GAREM1: variants seen among roughly 807,000 people sequenced by gnomAD.
GAREM1 encodes the protein GRB2 associated regulator of MAPK1 subtype 1, also known as GRB2-associated and regulator of MAPK protein 1.
A neutral mutation model predicts 71.3 loss-of-function variants in GAREM1; 26 were observed. The ratio of observed to expected loss-of-function variants is 0.36; its 90% confidence interval spans 0.27 to 0.51. The LOEUF (loss-of-function observed/expected upper bound fraction) is 0.51, where lower values mean the gene tolerates loss of function less well. GAREM1 is among the 20% of genes least tolerant of loss of function. The pLI, the probability that GAREM1 is intolerant of heterozygous loss-of-function variation, is 0.95. For missense variants in GAREM1, 1,026 were observed against 1,103.1 expected (o/e 0.93, Z 0.99); for synonymous variants, 440 against 433.2 (o/e 1.02, Z -0.20).
At chr18:32,431,132 C>T (rs1456274277) in intron 1 of GAREM1, among the ~76,000 whole-genome samples, 1 of 152,044 alleles carries the variant, frequency 6.6e-6, no homozygotes, top group African/African-American at 2.4e-5. Context: ...CTGAGTGGTG[C>T]ACACAGATGT....
At chr18:32,431,774 G>A (rs552036610) in intron 1 of GAREM1, among the ~76,000 whole-genome samples, 18 of 152,056 alleles carry the variant, frequency 1.2e-4, no homozygotes, top group Admixed American at 2.6e-4. Context: ...CAATGAAACC[G>A]GTGAACACGA....
chr18:32,305,670 C>T (rs2047246837), intron 3 of GAREM1, among the ~76,000 whole-genome samples: 1 of 152,210 alleles, frequency 6.6e-6, no homozygotes, highest in Non-Finnish European at 1.5e-5. Context: ...CAGGCATGCA[C>T]CCCCATGCCC....
chr18:32,271,994 C>T (rs1253937050), intron 4 of GAREM1, among the ~76,000 whole-genome samples: 2 of 152,182 alleles, frequency 1.3e-5, no homozygotes, highest in African/African-American at 4.8e-5. Flanking sequence ...CTTTGAAATG[C>T]ATACCTTGTC....
rs2048127436 is a variant in GAREM1 at position 32,384,571 on chromosome 18, TTA to T, written c.262+8322_262+8323del. ...TTAGTTTGCCAGAGTCATCTATTTT[TTA>T]TGTCCACTTTTGCTCGAGCATTTTA... On this transcript the variant is annotated intron_variant, in intron 2 of 5. Coordinates refer to ENST00000269209, the MANE Select transcript of GAREM1 (RefSeq NM_001242409.2). Among the ~76,000 whole-genome samples the T allele has an allele frequency of 2.0e-5, 3 of 152,212 alleles. No individual in the cohort carries two copies. In the South Asian group the frequency reaches 6.2e-4, roughly 32 times the overall value.
chr18:32,430,797 T>C (rs189907069), intron 1 of GAREM1, among the ~76,000 whole-genome samples: 75 of 152,334 alleles, frequency 4.9e-4, no homozygotes, highest in African/African-American at 1.7e-3. Flanking sequence ...TCCAAGAGTA[T>C]GGGGCAAATA....
At chr18:32,299,396 C>T (rs2047177294) in intron 3 of GAREM1, among the ~76,000 whole-genome samples, 2 of 151,410 alleles carry the variant, frequency 1.3e-5, no homozygotes, top group African/African-American at 2.4e-5. Context: ...CGCCTGTTGT[C>T]CCAGCTGCTG....
intron 2 of GAREM1, among the ~76,000 whole-genome samples, chr18:32,368,801 CTG>C (rs1444638120): frequency 6.6e-6 from 1 of 152,124 alleles, no homozygotes; most frequent in Non-Finnish European, 1.5e-5. Context: ...CAAACAGGCT[CTG>C]TGTTTTGATC....
At chr18:32,360,000 C>T (rs1018628378) in intron 2 of GAREM1, among the ~76,000 whole-genome samples, 3 of 151,848 alleles carry the variant, frequency 2.0e-5, no homozygotes, top group Non-Finnish European at 4.4e-5. Flanking sequence ...ATACAATGTA[C>T]AAAATGATCG....
chr18:32,461,707 A>C (rs1307012029), intron 1 of GAREM1, among the ~76,000 whole-genome samples: 2 of 152,122 alleles, frequency 1.3e-5, no homozygotes, highest in East Asian at 1.9e-4. Context: ...AAAATAAATA[A>C]ATAAATAATA....
chr18:32,464,201 G>A (rs1004655322), intron 1 of GAREM1, among the ~76,000 whole-genome samples: 4 of 151,964 alleles, frequency 2.6e-5, no homozygotes, highest in Admixed American at 1.3e-4. Flanking sequence ...TGAAGCAGGA[G>A]AATTGCTTGA....
At chr18:32,410,455 C>T (rs1009978166) in intron 1 of GAREM1, among the ~76,000 whole-genome samples, 6 of 152,136 alleles carry the variant, frequency 3.9e-5, no homozygotes, top group Non-Finnish European at 8.8e-5. Flanking sequence ...CTCAATGATT[C>T]TCCTGCCTTA....
chr18:32,270,690 A>C (rs1389710572), intron 4 of GAREM1, among the ~76,000 whole-genome samples: 3 of 152,172 alleles, frequency 2.0e-5, no homozygotes, highest in East Asian at 3.9e-4. Context: ...TCTATGGTTA[A>C]AGAGCTAGTG....
chr18:32,306,360 T>C (rs1257717224), intron 3 of GAREM1, among the ~76,000 whole-genome samples: 1 of 152,152 alleles, frequency 6.6e-6, no homozygotes, highest in Non-Finnish European at 1.5e-5. Flanking sequence ...TTTAATCTTG[T>C]CTCTAGGTTA....
chr18:32,288,987 C>T (rs2047053541), intron 3 of GAREM1, among the ~76,000 whole-genome samples: 1 of 152,106 alleles, frequency 6.6e-6, no homozygotes. Flanking sequence ...ATAAATAGTA[C>T]TGCAATGAAC....
At chr18:32,366,402 A>G (rs1050450649) in intron 2 of GAREM1, among the ~76,000 whole-genome samples, 10 of 152,208 alleles carry the variant, frequency 6.6e-5, no homozygotes, top group African/African-American at 2.4e-4. Context: ...TCCTCAACAA[A>G]TATCTGCTGC....
At chr18:32,461,890 G>C (rs374003531) in intron 1 of GAREM1, among the ~76,000 whole-genome samples, 1 of 152,124 alleles carries the variant, frequency 6.6e-6, no homozygotes, top group Non-Finnish European at 1.5e-5. Flanking sequence ...TGAAAAGACA[G>C]ATACCTCAGG....
chr18:32,397,936 T>G (rs1172448590), intron 1 of GAREM1, among the ~76,000 whole-genome samples: 1 of 152,148 alleles, frequency 6.6e-6, no homozygotes, highest in Non-Finnish European at 1.5e-5. Flanking sequence ...TCAGCAAATG[T>G]AAAAGAACAG....
intron 1 of GAREM1, among the ~76,000 whole-genome samples, chr18:32,401,407 G>A (rs773044483): frequency 2.6e-5 from 4 of 151,774 alleles, no homozygotes; most frequent in Non-Finnish European, 4.4e-5. Flanking sequence ...TAACTGCTAA[G>A]TTTTTTTAAG....
intron 2 of GAREM1, among the ~76,000 whole-genome samples, chr18:32,363,819 T>C (rs2047889986): frequency 6.6e-6 from 1 of 151,026 alleles, no homozygotes. Context: ...CTTTTTGAAA[T>C]GTCACAGGAG....
Sources: gnomAD v4.1 joint callset for allele counts (sites outside exome capture counted in the v4.1 genomes callset) on GRCh38, gnomAD v4.1.1 for gene constraint, MANE v1.5 for transcripts, NCBI Gene and HGNC (gene_info 2026-07-23, HGNC 2026-07-21) for gene names.